Variants in PAH observed in about 807,000 individuals in gnomAD.
The protein encoded by PAH is phenylalanine hydroxylase.
In PAH, 64 loss-of-function variants were observed where a neutral mutation model predicts 62.0. The ratio of observed to expected loss-of-function variants is 1.03; its 90% CI spans 0.84 to 1.27. The LOEUF (loss-of-function observed/expected upper bound fraction) is 1.27, where lower values mean the gene tolerates loss of function less well. PAH is among the 50% of genes most tolerant of loss of function. The probability of loss-of-function intolerance (pLI) is 0.00; values close to 1 mark genes in which losing one functional copy is unlikely to be tolerated. For synonymous variants in PAH, 195 were observed against 196.2 expected (o/e 0.99, Z 0.05); for missense variants, 579 against 542.8 (o/e 1.07, Z -0.66).
upstream of PAH, among the ~76,000 whole-genome samples, chr12:102,920,291 A>G (rs1201010719): frequency 2.6e-5 from 4 of 152,240 alleles, no homozygotes; most frequent in East Asian, 7.7e-4. Flanking sequence ...TGCTGCTATA[A>G]TGAGAGCAGT....
At chr12:102,946,858 T>C in intron 1 of PAH, 1 of 152,206 alleles carries the variant, frequency 6.6e-6, no homozygotes, top group East Asian at 1.9e-4. Flanking sequence ...TCCCCTGTTC[T>C]GAAAGGTTTT....
chr12:102,851,822 T>C, intron 7 of PAH, 66 bp from the exon 8 acceptor site: 1 of 1,199,376 alleles, frequency 8.3e-7, no homozygotes, highest in Non-Finnish European at 1.2e-6. Context: ...ACTCAGTCTT[T>C]CTACATGAGG....
intron 2 of PAH, among the ~76,000 whole-genome samples, chr12:102,899,775 C>T (rs866017222): frequency 1.6e-3 from 206 of 126,980 alleles, no homozygotes; most frequent in African/African-American, 5.8e-3. Flanking sequence ...AGGAGAATGG[C>T]GTGAACCCGG....
chr12:102,910,631 A>G (rs1414871654), intron 2 of PAH, among the ~76,000 whole-genome samples: 1 of 151,804 alleles, frequency 6.6e-6, no homozygotes, highest in Admixed American at 6.5e-5. Flanking sequence ...CAGCCTCCCA[A>G]AGTGCTGGGA....
chr12:102,949,452 C>T (rs1435766267), intron 1 of PAH, among the ~76,000 whole-genome samples: 1 of 152,170 alleles, frequency 6.6e-6, no homozygotes, highest in Non-Finnish European at 1.5e-5. Context: ...TAGTCAGAAT[C>T]AGAGGGGAGG....
At chr12:102,889,377 A>G (rs1877174555) in intron 3 of PAH, among the ~76,000 whole-genome samples, 1 of 152,156 alleles carries the variant, frequency 6.6e-6, no homozygotes, top group Non-Finnish European at 1.5e-5. Context: ...GTCTTCTCAC[A>G]GTAATCATAA....
chr12:102,884,599 G>A (rs1162316307), intron 3 of PAH, among the ~76,000 whole-genome samples: 1 of 152,114 alleles, frequency 6.6e-6, no homozygotes, highest in Non-Finnish European at 1.5e-5. Context: ...CCTTCTTTGG[G>A]GTGGGAAGAA....
intron 1 of PAH, among the ~76,000 whole-genome samples, chr12:102,926,420 G>A (rs1467533605): frequency 6.6e-6 from 1 of 151,928 alleles, no homozygotes; most frequent in African/African-American, 2.4e-5. Flanking sequence ...TGTTGGGGGG[G>A]CGGGTAAAGA....
chr12:102,868,865 A>C (rs1317398077), intron 4 of PAH, among the ~76,000 whole-genome samples: 1 of 152,198 alleles, frequency 6.6e-6, no homozygotes, highest in African/African-American at 2.4e-5. Flanking sequence ...TTCTTATTTA[A>C]TAGTTAGTAG....
chr12:102,915,683 T>C (rs1878354705), intron 1 of PAH, among the ~76,000 whole-genome samples: 1 of 152,192 alleles, frequency 6.6e-6, no homozygotes, highest in Non-Finnish European at 1.5e-5. Flanking sequence ...TTACAGGTGA[T>C]TCCTTCTTAT....
chr12:102,958,191 G>T (rs1879986160), intron 1 of PAH: 2 of 1,376,040 alleles, frequency 1.5e-6, no homozygotes, highest in East Asian at 3.1e-5. Context: ...CGCGGGCCCC[G>T]CACCTCGCGT....
chr12:102,932,247 T>C (rs1878906529), intron 1 of PAH, among the ~76,000 whole-genome samples: 1 of 152,208 alleles, frequency 6.6e-6, no homozygotes, highest in Non-Finnish European at 1.5e-5. Flanking sequence ...GGGCCTCTGC[T>C]CTTCCCACTG....
At chr12:102,917,924 G>C (rs915811899), upstream of PAH, among the ~76,000 whole-genome samples, 3 of 152,170 alleles carry the variant, frequency 2.0e-5, no homozygotes, top group Non-Finnish European at 4.4e-5. Flanking sequence ...TCAGTAAATG[G>C]AAGATATTGT....
At chr12:102,847,284 C>T (rs1309083840) in intron 8 of PAH, 3 of 383,668 alleles carry the variant, frequency 7.8e-6, no homozygotes, top group Non-Finnish European at 1.5e-5. Flanking sequence ...GATTATTCAT[C>T]AGCAGAATAT....
intron 2 of PAH, among the ~76,000 whole-genome samples, chr12:102,904,316 G>T (rs1877884836): frequency 6.6e-6 from 1 of 152,156 alleles, no homozygotes; most frequent in Non-Finnish European, 1.5e-5. Flanking sequence ...CCCAAACCTA[G>T]GTTATCACTG....
rs1380218828 is a variant in PAH, at chr12:102,872,022, T to C, written c.442-5359A>G. The stretch of plus-strand genomic sequence containing the variant: ...AGGGCAAAAAAATTACTGTGTGCCT[T>C]TTAAATGTCATATGAGATCATTGTC... On this transcript the variant is annotated intron_variant, in intron 4 of 12. Coordinates refer to ENST00000553106, the MANE Select transcript of PAH (RefSeq NM_000277.3). 2.0e-5 allele frequency among the ~76,000 whole-genome samples: 3 copies of C among 149,524 alleles called. No individual in the cohort carries two copies. In the South Asian group the frequency reaches 6.3e-4, roughly 32 times the overall value.
At chr12:102,938,384 A>G (rs1488575186) in intron 1 of PAH, among the ~76,000 whole-genome samples, 1 of 152,212 alleles carries the variant, frequency 6.6e-6, no homozygotes, top group Admixed American at 6.5e-5. Context: ...TCAGGCTCAC[A>G]TGGATCCCCA....
chr12:102,880,869 T>A (rs1876785470), intron 3 of PAH, among the ~76,000 whole-genome samples: 2 of 151,972 alleles, frequency 1.3e-5, no homozygotes, highest in African/African-American at 4.8e-5. Context: ...AAATTCTTTT[T>A]AAAAAATTCC....
chr12:102,867,084 C>T (rs1315291292), intron 4 of PAH, among the ~76,000 whole-genome samples: 1 of 152,198 alleles, frequency 6.6e-6, no homozygotes, highest in Non-Finnish European at 1.5e-5. Context: ...ATGCTTATTG[C>T]TCTTGCAATT....
Sources: gnomAD v4.1 joint callset for allele counts (sites outside exome capture counted in the v4.1 genomes callset) on GRCh38, gnomAD v4.1.1 for gene constraint, MANE v1.5 for transcripts, NCBI Gene and HGNC (gene_info 2026-07-23, HGNC 2026-07-21) for gene names.